The following POLR3K variants were observed in gnomAD, a reference collection of about 807,000 sequenced individuals.
POLR3K encodes DNA-directed RNA polymerase III subunit RPC10.
A neutral mutation model predicts 13.5 loss-of-function variants in POLR3K; 11 were observed. The observed-to-expected ratio is 0.81, with a 90% CI of 0.51 to 1.35. The LOEUF (loss-of-function observed/expected upper bound fraction) is 1.35. POLR3K is among the 40% of genes most tolerant of loss of function. POLR3K has a pLI of 0.00. For synonymous variants in POLR3K, 56 were observed against 51.5 expected, an observed-to-expected ratio of 1.09 and a Z score of -0.38; for missense variants, 144 against 145.3, an observed-to-expected ratio of 0.99 and a Z score of 0.05.
chr16:47,233 C>T lies in POLR3K; in HGVS notation c.*197G>A, dbSNP rs1596456254. The T allele has an allele frequency of 7.4e-6, 4 of 537,002 alleles. No individual in the cohort carries two copies. Among genetic ancestry groups the T allele is most frequent in the Non-Finnish European group, 1.2e-5 (4 of 329,210 alleles). The allele number at this position is 537,002 out of a possible 1,614,324, so 33.3% of individuals were successfully genotyped here. ...TGTCTCCTCCCCACACAGAAAAACT[C>T]CCAGACATTCATGACTTCATCCACC... On this transcript the variant is annotated 3_prime_UTR_variant, in exon 3 of 3. Transcript: ENST00000293860.
intron 1 of POLR3K, 54 bp from the exon 2 acceptor site, chr16:51,699 T>C: frequency 2.8e-6 from 4 of 1,447,724 alleles, no homozygotes; most frequent in Non-Finnish European, 3.9e-6. Context: ...AAACCTGGGC[T>C]GCCAAACCTT....
rs1038994004 is a variant in POLR3K, at chr16:52,805, A to T, written c.111+671T>A. Among the ~76,000 whole-genome samples, 14 of 151,078 alleles carry T rather than the reference A, an allele frequency of 9.3e-5. 1 individual carries two copies. Among genetic ancestry groups the T allele is most frequent in the South Asian group, 2.1e-4 (1 of 4,812 alleles). On this transcript the variant is annotated intron_variant, in intron 1 of 2. Transcript: ENST00000293860. ...AAAAAAAAAAAAAAAACAATAAAAAAAAATAAAGAAAGCACACAATACATT... is the reference window on the plus strand; with the variant it reads ...AAAAAAAAAAAAAAAACAATAAAAATAAATAAAGAAAGCACACAATACATT...
chr16:51,697 G>A (rs759104783), intron 1 of POLR3K, 52 bp from the exon 2 acceptor site: 1 of 1,473,696 alleles, frequency 6.8e-7, no homozygotes, highest in South Asian at 1.1e-5. Context: ...GCAAACCTGG[G>A]CTGCCAAACC....
At chr16:50,239 G>A (rs535655840) in intron 2 of POLR3K, among the ~76,000 whole-genome samples, 58 of 152,234 alleles carry the variant, frequency 3.8e-4, no homozygotes, top group African/African-American at 1.3e-3. Context: ...GATTGCAGGC[G>A]TGAGCCACCA....
intron 2 of POLR3K, among the ~76,000 whole-genome samples, chr16:49,974 T>C (rs1897317836): frequency 6.6e-6 from 1 of 151,860 alleles, no homozygotes; most frequent in African/African-American, 2.4e-5. Flanking sequence ...ATGTTCTTTT[T>C]TTTGACAGAG....
At chr16:47,849 CAAAAAAAAAAAAA>C (rs750499325) in intron 2 of POLR3K, among the ~76,000 whole-genome samples, 1 of 35,158 alleles carries the variant, frequency 2.8e-5, no homozygotes, top group South Asian at 1.6e-3. Flanking sequence ...CCACTGCACT[CAAAAAAAAAAAAA>C]AAAAAAAAAA....
chr16:47,219 C>G lies in POLR3K; in HGVS notation c.*211G>C. The G allele has an allele frequency of 2.1e-6, 1 of 469,062 alleles. No individual in the cohort carries two copies. The highest frequency in any genetic ancestry group is 3.7e-6 in the Non-Finnish European group (1 of 271,334). 29.1% of individuals were successfully genotyped at this position (469,062 alleles called of 1,614,324 possible). A position where few individuals can be genotyped will look rare whatever the true frequency, so the allele number is the denominator to read the frequency against. ...TAGTTATGGGTCTCTGTCTCCTCCC[C>G]ACACAGAAAAACTCCCAGACATTCA... On this transcript the variant is annotated 3_prime_UTR_variant, in exon 3 of 3. Transcript: ENST00000293860.
At chr16:50,339 G>A (rs1335085757) in intron 2 of POLR3K, among the ~76,000 whole-genome samples, 2 of 151,988 alleles carry the variant, frequency 1.3e-5, no homozygotes, top group South Asian at 2.1e-4. Flanking sequence ...TTACATTTAC[G>A]TCTTCCCCTT....
At chr16:51,862 T>A in intron 1 of POLR3K, 2 of 414,972 alleles carry the variant, frequency 4.8e-6, no homozygotes, top group Middle Eastern at 7.2e-4. Context: ...CTACTAAAAA[T>A]ACAAAAAATT....
At chr16:48,073 G>C (rs933076001) in intron 2 of POLR3K, among the ~76,000 whole-genome samples, 4 of 150,628 alleles carry the variant, frequency 2.7e-5, no homozygotes, top group Non-Finnish European at 5.9e-5. Context: ...TGTATTTTTA[G>C]TAGAGACAGG....
At chr16:49,051 C>A (rs988335157) in intron 2 of POLR3K, among the ~76,000 whole-genome samples, 1 of 151,972 alleles carries the variant, frequency 6.6e-6, no homozygotes, top group Non-Finnish European at 1.5e-5. Flanking sequence ...ACTAGGGAGG[C>A]TGAGGCAGGA....
intron 2 of POLR3K, among the ~76,000 whole-genome samples, chr16:49,860 G>A (rs1234430044): frequency 2.6e-5 from 4 of 152,036 alleles, no homozygotes; most frequent in African/African-American, 7.2e-5. Flanking sequence ...GGATGGTCTC[G>A]ATGTCTTGAC....
chr16:51,816 C>T (rs548548039), intron 1 of POLR3K, 171 bp from the exon 2 acceptor site: 60 of 543,234 alleles, frequency 1.1e-4, no homozygotes, highest in African/African-American at 9.4e-4. Context: ...GTCAAGAGAT[C>T]GAGACCATCC....
intron 2 of POLR3K, among the ~76,000 whole-genome samples, chr16:49,415 G>T (rs1251670613): frequency 6.6e-6 from 1 of 151,504 alleles, no homozygotes; most frequent in Non-Finnish European, 1.5e-5. Flanking sequence ...TCTTCAAAGC[G>T]ATTTCACTTT....
At chr16:48,050 C>T (rs1276617636) in intron 2 of POLR3K, among the ~76,000 whole-genome samples, 2 of 150,476 alleles carry the variant, frequency 1.3e-5, no homozygotes, top group African/African-American at 4.9e-5. Flanking sequence ...CCACCACACC[C>T]GGCTAATTTT....
chr16:51,593 C>T lies in POLR3K; in HGVS notation c.164G>A (p.Gly55Glu), dbSNP rs200433242. The T allele has an allele frequency of 6.2e-7, 1 of 1,614,158 alleles. No homozygotes were observed. The highest frequency in any genetic ancestry group is 8.5e-7 in the Non-Finnish European group (1 of 1,179,992). ...GTCAACATTCTCCCAGGCAGCTGCTCCACCAAGCACATCATCCACTTCTTT... is the reference window on the plus strand; with the variant it reads ...GTCAACATTCTCCCAGGCAGCTGCTTCACCAAGCACATCATCCACTTCTTT... ...KLKEVDDVLGGAAAWENVDST... is the reference protein window; with the variant it reads ...KLKEVDDVLGEAAAWENVDST... Residue 55 changes from glycine to glutamate, a missense_variant, in exon 2 of 3, where the codon GGA (glycine) becomes GAA (glutamate). Transcript: ENST00000293860.
At chr16:53,391 G>A in intron 1 of POLR3K, 85 bp downstream of exon 1, 1 of 1,494,890 alleles carries the variant, frequency 6.7e-7, no homozygotes, top group Non-Finnish European at 8.9e-7. Flanking sequence ...GCAGACGCCG[G>A]GGCTGGCGGC....
intron 1 of POLR3K, chr16:51,899 A>G (rs1897334861): frequency 5.9e-6 from 2 of 341,848 alleles, no homozygotes; most frequent in Admixed American, 9.1e-5. Flanking sequence ...GGGCGCCTGT[A>G]GTCCCAGCTA....
At chr16:50,436 C>T (rs1897321853) in intron 2 of POLR3K, among the ~76,000 whole-genome samples, 1 of 152,230 alleles carries the variant, frequency 6.6e-6, no homozygotes, top group Non-Finnish European at 1.5e-5. Flanking sequence ...CTGGTATTAA[C>T]TTCTAAAAAT....
Sources: gnomAD v4.1 joint callset for allele counts (sites outside exome capture counted in the v4.1 genomes callset) on GRCh38, gnomAD v4.1.1 for gene constraint, MANE v1.5 for transcripts, NCBI Gene and HGNC (gene_info 2026-07-23, HGNC 2026-07-21) for gene names.